TMEM260: variants seen among roughly 807,000 people sequenced by gnomAD.
TMEM260 encodes the protein transmembrane protein 260.
In TMEM260, 82 loss-of-function variants were observed where a neutral mutation model predicts 88.9. The observed-to-expected ratio is 0.92, with a 90% CI of 0.77 to 1.11. TMEM260 has a LOEUF of 1.11. Among genes scored for constraint, TMEM260 ranks in the 50% least tolerant of loss-of-function variants. TMEM260 has a pLI of 0.00. For missense variants in TMEM260, 902 were observed against 853.4 expected, an observed-to-expected ratio of 1.06 and a Z score of -0.71; for synonymous variants, 314 against 309.3, an observed-to-expected ratio of 1.02 and a Z score of -0.16.
rs139089534 is a variant in TMEM260 at position 56,633,102 on chromosome 14, T to C, written c.1655T>C (p.Ile552Thr). 325 of 1,613,784 alleles carry C rather than the reference T, an allele frequency of 2.0e-4. No individual in the cohort carries two copies. The African/African-American group carries it at 4.0e-3, about 20-fold the overall frequency. Residue 552 changes from isoleucine (I) to threonine (T), a missense_variant, in exon 13 of 16, where the codon ATT becomes ACT. Transcript: ENST00000261556. ...GSCDKLVPLE[I>T]VFNPEEWIKL... ...TGTGACAAATTAGTTCCTTTGGAGA[T>C]TGTATTCAACCCTGAGGAATGGATT...
Position 56,587,775 on chromosome 14 carries a change from T to G in TMEM260, c.344+1863T>G, listed in dbSNP as rs186927678. Reference sequence around the variant, plus strand: ...AAATAATTGACAAGGTACACGTCCTTTGGGAATAACCTAGTTCAAGTGGCA... The same window carrying G: ...AAATAATTGACAAGGTACACGTCCTGTGGGAATAACCTAGTTCAAGTGGCA... On this transcript the variant is annotated intron_variant, in intron 3 of 15. Transcript: ENST00000261556. Among the ~76,000 whole-genome samples the G allele has an allele frequency of 3.9e-5, 6 of 152,154 alleles. No individual in the cohort carries two copies. In the East Asian group the frequency reaches 1.2e-3, roughly 29 times the overall value.
chr14:56,579,603 G>T, upstream of TMEM260: 1 of 297,678 alleles, frequency 3.4e-6, no homozygotes, highest in Non-Finnish European at 6.2e-6. Context: ...GGAGAAGGTA[G>T]GCCTGTGGCC....
At chr14:56,654,424 T>C (rs1890263293), downstream of TMEM260, among the ~76,000 whole-genome samples, 1 of 152,172 alleles carries the variant, frequency 6.6e-6, no homozygotes, top group African/African-American at 2.4e-5. Flanking sequence ...GAAAGAAATA[T>C]GTCCCAGCTC....
chr14:56,599,813 C>T (rs570694777), intron 3 of TMEM260, among the ~76,000 whole-genome samples: 2 of 152,238 alleles, frequency 1.3e-5, no homozygotes, highest in East Asian at 1.9e-4. Flanking sequence ...GGACTAAATC[C>T]AACATAAGCC....
At chr14:56,641,247 G>T (rs1889570265) in intron 15 of TMEM260, among the ~76,000 whole-genome samples, 1 of 152,092 alleles carries the variant, frequency 6.6e-6, no homozygotes, top group South Asian at 2.1e-4. Context: ...AGGAAAAAAT[G>T]TTAAGGGCAG....
chr14:56,642,307 T>C (rs2139651019), intron 15 of TMEM260, among the ~76,000 whole-genome samples: 1 of 152,050 alleles, frequency 6.6e-6, no homozygotes, highest in East Asian at 1.9e-4. Flanking sequence ...TAACAAACTG[T>C]CTCTCAGACC....
downstream of TMEM260, among the ~76,000 whole-genome samples, chr14:56,654,843 TG>T (rs1890273318): frequency 1.2e-4 from 10 of 82,480 alleles, no homozygotes; most frequent in East Asian, 9.5e-4. Context: ...AAAAAAAAAA[TG>T]TTAAATGTCC....
At chr14:56,586,399 G>T (rs1374899389) in intron 3 of TMEM260, among the ~76,000 whole-genome samples, 2 of 152,086 alleles carry the variant, frequency 1.3e-5, no homozygotes, top group Non-Finnish European at 2.9e-5. Flanking sequence ...GTTTTAGTAA[G>T]GTTTCACTCT....
intron 3 of TMEM260, among the ~76,000 whole-genome samples, chr14:56,596,053 C>T (rs576652862): frequency 1.2e-4 from 18 of 152,024 alleles, no homozygotes; most frequent in African/African-American, 3.9e-4. Context: ...GCATTTGTTA[C>T]CAAGACACCA....
chr14:56,619,682 A>G (rs1457304441), intron 10 of TMEM260, among the ~76,000 whole-genome samples: 1 of 152,198 alleles, frequency 6.6e-6, no homozygotes, highest in Non-Finnish European at 1.5e-5. Context: ...GAATTTTGCT[A>G]TAGTGAGATT....
rs1890046457 is a variant in TMEM260 at position 56,647,555 on chromosome 14, A to G, written c.*58A>G. On this transcript the variant is annotated 3_prime_UTR_variant, in exon 16 of 16. Transcript: ENST00000261556. ...CAGCTTCCAAAATTCTGAAGTCTGG[A>G]AGTTTTTCCTTCAAGAAAAGAAACT... is the stretch of plus-strand genomic sequence containing the variant. 4 of 1,516,072 alleles carry G rather than the reference A, an allele frequency of 2.6e-6. No individual in the cohort carries two copies. The East Asian group carries it at 9.1e-5, about 34-fold the overall frequency. 93.9% of individuals were successfully genotyped at this position (1,516,072 alleles called of 1,614,324 possible). A position where few individuals can be genotyped will look rare whatever the true frequency, so the allele number is the denominator to read the frequency against.
intron 3 of TMEM260, among the ~76,000 whole-genome samples, chr14:56,596,806 TAC>T (rs199983561): frequency 0.29 from 42,177 of 143,796 alleles, 7,821 homozygotes; most frequent in Admixed American, 0.44. Flanking sequence ...TATATATATA[TAC>T]ACACACACAC....
At chr14:56,591,991 CT>C (rs1885894723) in intron 3 of TMEM260, among the ~76,000 whole-genome samples, 1 of 152,142 alleles carries the variant, frequency 6.6e-6, no homozygotes, top group East Asian at 1.9e-4. Context: ...TTTAGTTGTG[CT>C]TTTTTCCTTT....
At chr14:56,646,819 G>T (rs529813472) in intron 15 of TMEM260, among the ~76,000 whole-genome samples, 54 of 149,852 alleles carry the variant, frequency 3.6e-4, no homozygotes, top group Non-Finnish European at 7.4e-4. Flanking sequence ...ATTCCTTCAA[G>T]TTCTTTTTCC....
Position 56,621,602 on chromosome 14 carries a change from A to G in TMEM260, c.1298A>G (p.Asp433Gly), listed in dbSNP as rs542639172. The change falls in exon 11 of 16, where the codon GAT (aspartate) becomes GGT (glycine). Residue 433 changes from aspartate to glycine, a missense_variant. Asp to Gly is a moderately conservative substitution (Grantham distance 94). Transcript: ENST00000261556. ...AKNLLTSMPH[D>G]AIILLRGDLP... ...AACCTTCTCACCTCTATGCCTCATGATGCAATTATCTTACTCAGAGGAGAT... is the reference window on the plus strand; with the variant it reads ...AACCTTCTCACCTCTATGCCTCATGGTGCAATTATCTTACTCAGAGGAGAT... The G allele has an allele frequency of 1.1e-5, 18 of 1,613,692 alleles. No individual in the cohort carries two copies. In the South Asian group the frequency reaches 1.9e-4, roughly 17 times the overall value.
intron 3 of TMEM260, among the ~76,000 whole-genome samples, chr14:56,595,484 A>C (rs924107369): frequency 9.9e-5 from 15 of 151,886 alleles, no homozygotes; most frequent in Non-Finnish European, 1.9e-4. Context: ...ATTTTATTTT[A>C]TTTTCTTTTT....
chr14:56,638,584 ATTGGTATCTCCTTTGCACATAG>A (rs904387749), intron 15 of TMEM260, among the ~76,000 whole-genome samples: 5 of 152,044 alleles, frequency 3.3e-5, no homozygotes, highest in African/African-American at 1.2e-4. Flanking sequence ...AATACAGATT[ATTGGTATCTCCTTTGCACATAG>A]TCTCCAGATG....
intron 15 of TMEM260, among the ~76,000 whole-genome samples, chr14:56,643,030 C>G (rs1009090752): frequency 6.6e-6 from 1 of 152,030 alleles, no homozygotes; most frequent in African/African-American, 2.4e-5. Context: ...AATAGCTTAC[C>G]AACCAAAAAA....
chr14:56,599,951 T>G (rs1310852629), intron 3 of TMEM260, among the ~76,000 whole-genome samples: 1 of 152,222 alleles, frequency 6.6e-6, no homozygotes, highest in Non-Finnish European at 1.5e-5. Flanking sequence ...TTGAATAATT[T>G]TTCTTCCAAA....
Sources: allele counts gnomAD v4.1 joint callset (sites outside exome capture counted in the v4.1 genomes callset), GRCh38; gene constraint gnomAD v4.1.1; transcripts MANE v1.5; gene names NCBI Gene and HGNC (gene_info 2026-07-23, HGNC 2026-07-21).